The following LARGE1 variants were observed in gnomAD, a reference collection of about 807,000 sequenced individuals.
LARGE1 encodes the protein xylosyl- and glucuronyltransferase LARGE1.
In LARGE1, 43 loss-of-function variants were observed where a neutral mutation model predicts 87.6. The ratio of observed to expected loss-of-function variants is 0.49; its 90% CI spans 0.38 to 0.63. The LOEUF (loss-of-function observed/expected upper bound fraction) is 0.63, where lower values mean the gene tolerates loss of function less well. LARGE1 is among the 30% of genes least tolerant of loss of function. LARGE1 has a pLI of 0.00. For missense variants in LARGE1, 802 were observed against 1,000.2 expected (o/e 0.80, Z 2.67); for synonymous variants, 434 against 394.6 (o/e 1.10, Z -1.18).
intron 2 of LARGE1, among the ~76,000 whole-genome samples, chr22:33,693,307 T>C (rs1227171117): frequency 2.6e-5 from 4 of 152,060 alleles, no homozygotes; most frequent in African/African-American, 9.7e-5. Flanking sequence ...TGTACACTAC[T>C]TGGGTGACAG....
chr22:33,073,225 C>A, the LARGE1 span, among the ~76,000 whole-genome samples: 91 of 152,248 alleles, frequency 6.0e-4, 2 homozygotes, highest in South Asian at 0.016. Flanking sequence ...ATAAACTTTG[C>A]AGACATTTTC....
intron 1 of LARGE1, among the ~76,000 whole-genome samples, chr22:33,808,281 A>C (rs149547392): frequency 3.2e-3 from 486 of 152,326 alleles, no homozygotes; most frequent in African/African-American, 0.011. Context: ...TCATGTGCTT[A>C]TCTGCCATCT....
rs1426662781 is a variant in LARGE1, at chr22:33,713,972, G to GTAACGTAACGTAACA, written c.106+47398_106+47399insTGTTACGTTACGTTA. ...CTGTCTCAAAGAAAAAGTAAATAAC[G>GTAACGTAACGTAACA]TAACATAACGTAACATAACATAACA... On this transcript the variant is annotated intron_variant, in intron 2 of 14. Transcript: ENST00000397394. Among the ~76,000 whole-genome samples, 916 of 119,688 alleles carry GTAACGTAACGTAACA rather than the reference G, an allele frequency of 7.7e-3. 3 individuals are homozygous for GTAACGTAACGTAACA. The highest frequency in any genetic ancestry group is 0.024 in the South Asian group (89 of 3,778). 78.5% of individuals were successfully genotyped at this position (119,688 alleles called of 152,430 possible).
chr22:33,572,875 A>C (rs1289529220), intron 5 of LARGE1, among the ~76,000 whole-genome samples: 7 of 152,080 alleles, frequency 4.6e-5, no homozygotes. Flanking sequence ...GTCTCAAAAA[A>C]AATTAAATAC....
intron 2 of LARGE1, among the ~76,000 whole-genome samples, chr22:33,709,248 GCAGAGC>G (rs1299320312): frequency 6.6e-6 from 1 of 152,138 alleles, no homozygotes; most frequent in African/African-American, 2.4e-5. Flanking sequence ...CTCATCTGCA[GCAGAGC>G]CAGGTTTAAA....
the LARGE1 span, among the ~76,000 whole-genome samples, chr22:33,092,216 T>A: frequency 6.6e-6 from 1 of 151,602 alleles, no homozygotes; most frequent in Non-Finnish European, 1.5e-5. Context: ...TTCTTCTAAA[T>A]CCTTAATAAG....
chr22:33,743,874 C>G (rs1405473492), intron 2 of LARGE1: 1 of 152,198 alleles, frequency 6.6e-6, no homozygotes, highest in East Asian at 1.9e-4. Context: ...AGACAGATAA[C>G]GTTAGCCCAG....
chr22:33,522,112 C>T (rs1284187716), intron 6 of LARGE1, among the ~76,000 whole-genome samples: 1 of 152,194 alleles, frequency 6.6e-6, no homozygotes, highest in Admixed American at 6.5e-5. Flanking sequence ...TTGACCCAAA[C>T]ACCTCCCATC....
chr22:33,791,351 T>C (rs2085818670), intron 1 of LARGE1, among the ~76,000 whole-genome samples: 1 of 152,214 alleles, frequency 6.6e-6, no homozygotes, highest in Non-Finnish European at 1.5e-5. Flanking sequence ...CCGTATACCC[T>C]AGGAGTAAAC....
intron 1 of LARGE1, among the ~76,000 whole-genome samples, chr22:33,831,097 T>C (rs1179959730): frequency 1.7e-5 from 2 of 121,084 alleles, no homozygotes; most frequent in South Asian, 2.5e-4. Context: ...TTTTTTCTTT[T>C]TTCTTTTTTT....
At chr22:33,702,932 T>C (rs1005803574) in intron 2 of LARGE1, among the ~76,000 whole-genome samples, 2 of 152,128 alleles carry the variant, frequency 1.3e-5, no homozygotes, top group African/African-American at 4.8e-5. Context: ...GAGACGGGGT[T>C]CTAAAGGGTG....
At chr22:33,261,690 T>C (rs897514857) in intron 11 of LARGE1, among the ~76,000 whole-genome samples, 2 of 151,844 alleles carry the variant, frequency 1.3e-5, no homozygotes, top group Non-Finnish European at 2.9e-5. Flanking sequence ...ACTGACTTTC[T>C]GTTAGTGTGG....
intron 1 of LARGE1, among the ~76,000 whole-genome samples, chr22:33,776,008 C>T (rs1444963736): frequency 6.6e-6 from 1 of 152,136 alleles, no homozygotes; most frequent in East Asian, 1.9e-4. Context: ...CTGAGAAAAC[C>T]TGGTTTAAGG....
chr22:33,699,545 C>G (rs374977210), intron 2 of LARGE1, among the ~76,000 whole-genome samples: 1 of 152,100 alleles, frequency 6.6e-6, no homozygotes, highest in Non-Finnish European at 1.5e-5. Flanking sequence ...GAGGACGGCA[C>G]GATGTAGACA....
At chr22:33,233,903 G>A (rs527600062) in intron 11 of LARGE1, among the ~76,000 whole-genome samples, 8 of 152,160 alleles carry the variant, frequency 5.3e-5, no homozygotes, top group South Asian at 2.1e-4. Flanking sequence ...TCAGATTGGC[G>A]TGCCTGTGTT....
chr22:33,829,357 C>G (rs1368214175), intron 1 of LARGE1, among the ~76,000 whole-genome samples: 2 of 152,080 alleles, frequency 1.3e-5, no homozygotes, highest in East Asian at 1.9e-4. Context: ...TCACGCATGG[C>G]CCAGAGAGCC....
At chr22:33,338,757 A>G (rs984477841) in intron 9 of LARGE1, among the ~76,000 whole-genome samples, 1 of 152,208 alleles carries the variant, frequency 6.6e-6, no homozygotes, top group Non-Finnish European at 1.5e-5. Context: ...AGCCAGAGAC[A>G]TAGGACACTG....
chr22:33,841,408 AG>A, intron 1 of LARGE1, among the ~76,000 whole-genome samples: 1 of 152,346 alleles, frequency 6.6e-6, no homozygotes. Flanking sequence ...ATCTGGGTCC[AG>A]GAGATGGCCT....
chr22:33,379,198 A>G (rs1321137927), intron 9 of LARGE1, among the ~76,000 whole-genome samples: 2 of 150,206 alleles, frequency 1.3e-5, no homozygotes, highest in East Asian at 3.9e-4. Flanking sequence ...TGAGTGTCGT[A>G]AAGTCTTTAT....
Sources: allele counts gnomAD v4.1 joint callset (sites outside exome capture counted in the v4.1 genomes callset), GRCh38; gene constraint gnomAD v4.1.1; transcripts MANE v1.5; gene names NCBI Gene and HGNC (gene_info 2026-07-23, HGNC 2026-07-21).